CDC123: variants seen among roughly 807,000 people sequenced by gnomAD.
CDC123 encodes the protein cell division cycle 123.
A neutral mutation model predicts 54.4 loss-of-function variants in CDC123; 37 were observed. That is an observed-to-expected ratio of 0.68 (90% CI 0.52 to 0.89). The LOEUF (loss-of-function observed/expected upper bound fraction) is 0.89. Among genes scored for constraint, CDC123 ranks in the 40% least tolerant of loss-of-function variants. The probability of loss-of-function intolerance (pLI) is 0.00; values close to 1 mark genes in which losing one functional copy is unlikely to be tolerated. For missense variants in CDC123, 361 were observed against 412.1 expected, an observed-to-expected ratio of 0.88 and a Z score of 1.07; for synonymous variants, 144 against 136.8, an observed-to-expected ratio of 1.05 and a Z score of -0.37.
At chr10:12,212,604 C>T (rs979656606) in intron 4 of CDC123, among the ~76,000 whole-genome samples, 12 of 152,158 alleles carry the variant, frequency 7.9e-5, no homozygotes, top group African/African-American at 2.9e-4. Context: ...TCCTGAGTAG[C>T]AGGTACTGCA....
chr10:12,234,980 C>A, intron 7 of CDC123, 68 bp from the exon 8 acceptor site: 1 of 1,104,126 alleles, frequency 9.1e-7, no homozygotes, highest in Non-Finnish European at 1.4e-6. Context: ...ACAGTGTTGA[C>A]CTAAAATTGC....
intron 7 of CDC123, among the ~76,000 whole-genome samples, chr10:12,233,428 G>A (rs1483876749): frequency 6.6e-6 from 1 of 152,038 alleles, no homozygotes; most frequent in Non-Finnish European, 1.5e-5. Context: ...ACAGAGTTCG[G>A]GAGAGACACT....
chr10:12,218,598 T>C (rs898177359), intron 6 of CDC123, among the ~76,000 whole-genome samples: 8 of 152,172 alleles, frequency 5.3e-5, no homozygotes, highest in African/African-American at 1.7e-4. Context: ...TCATTGCGTG[T>C]CTAAATTCAT....
At chr10:12,239,852 C>CA (rs929883880) in intron 10 of CDC123, among the ~76,000 whole-genome samples, 3 of 151,572 alleles carry the variant, frequency 2.0e-5, no homozygotes, top group Non-Finnish European at 4.4e-5. Flanking sequence ...ACTAAAAATA[C>CA]AAAAAATTAG....
At position 12,227,245 on chromosome 10, in the gene CDC123, GGAGA is replaced by G. The variant is rs1189236298; in HGVS notation, c.441-3697_441-3694del. 5.3e-5 allele frequency among the ~76,000 whole-genome samples: 8 copies of G among 149,634 alleles called. No individual in the cohort carries two copies. In the East Asian group the frequency reaches 1.4e-3, roughly 26 times the overall value. On this transcript the variant is annotated intron_variant, in intron 6 of 12. Transcript: ENST00000281141. ...CTGCTCGGCATCAGAGGGAGACCGT[GGAGA>G]GAGAGGGAGAGGGAGAGATAGACCA... is the stretch of plus-strand genomic sequence containing the variant.
In CDC123 at chr10:12,246,132, C is replaced by T. The variant is rs1430933322; in HGVS notation, c.718-17C>T. On this transcript the variant is annotated splice_polypyrimidine_tract_variant and intron_variant, in intron 10 of 12. Coordinates refer to ENST00000281141, the MANE Select transcript of CDC123 (RefSeq NM_006023.3). ...CAGAAGATGTTTGTTTTTGTTTTTT[C>T]TCTCTCTGTGCTACAGGGGAAGGTG... 3.1e-6 allele frequency: 5 copies of T among 1,600,408 alleles called. No individual in the cohort carries two copies. The highest frequency in any genetic ancestry group is 3.6e-5 in the Admixed American group (2 of 56,290).
At chr10:12,200,010 A>G (rs1049365990) in intron 2 of CDC123, among the ~76,000 whole-genome samples, 2 of 148,118 alleles carry the variant, frequency 1.4e-5, no homozygotes, top group Non-Finnish European at 3.0e-5. Context: ...TTTAGTAGAG[A>G]TGGGGTTTTA....
chr10:12,231,029 T>C, intron 7 of CDC123, 33 bp downstream of exon 7: 1 of 1,547,396 alleles, frequency 6.5e-7, no homozygotes, highest in South Asian at 1.2e-5. Context: ...TAATTGTAGA[T>C]GAAGATGTGT....
At chr10:12,232,605 T>C (rs1835915707) in intron 7 of CDC123, among the ~76,000 whole-genome samples, 1 of 152,048 alleles carries the variant, frequency 6.6e-6, no homozygotes, top group South Asian at 2.1e-4. Flanking sequence ...TATATACAAC[T>C]TGTGAGATTT....
chr10:12,208,018 C>T (rs1835544191), intron 2 of CDC123, among the ~76,000 whole-genome samples: 1 of 152,140 alleles, frequency 6.6e-6, no homozygotes, highest in East Asian at 1.9e-4. Flanking sequence ...TTATTCCTCC[C>T]CTTGACTTTC....
chr10:12,232,937 T>A (rs549943012), intron 7 of CDC123, among the ~76,000 whole-genome samples: 1 of 152,030 alleles, frequency 6.6e-6, no homozygotes, highest in African/African-American at 2.4e-5. Context: ...TTTTTTGTAT[T>A]TTTAGTGGAG....
intron 2 of CDC123, among the ~76,000 whole-genome samples, chr10:12,208,739 G>C (rs541039750): frequency 6.6e-6 from 1 of 152,170 alleles, no homozygotes; most frequent in African/African-American, 2.4e-5. Context: ...GGACCATGAA[G>C]AAAGGCAGAC....
At chr10:12,244,093 C>T (rs1424664703) in intron 10 of CDC123, among the ~76,000 whole-genome samples, 1 of 152,188 alleles carries the variant, frequency 6.6e-6, no homozygotes, top group African/African-American at 2.4e-5. Flanking sequence ...CATCCTGCGA[C>T]AGGCCTGTGC....
intron 8 of CDC123, among the ~76,000 whole-genome samples, chr10:12,236,639 A>G (rs922475621): frequency 4.0e-5 from 6 of 151,026 alleles, no homozygotes; most frequent in African/African-American, 1.5e-4. Context: ...TTACACCTGT[A>G]ATCCCAGCAT....
intron 7 of CDC123, among the ~76,000 whole-genome samples, chr10:12,233,640 C>T (rs935804035): frequency 1.2e-4 from 18 of 151,958 alleles, no homozygotes; most frequent in African/African-American, 4.3e-4. Flanking sequence ...CCTGTATGGG[C>T]TTTTAATAGA....
intron 2 of CDC123, among the ~76,000 whole-genome samples, chr10:12,205,035 CT>C (rs200290256): frequency 1.1e-4 from 16 of 139,954 alleles, no homozygotes; most frequent in Non-Finnish European, 2.3e-4. Flanking sequence ...ATTCTTTCTA[CT>C]TTTTTTGGTA....
intron 9 of CDC123, among the ~76,000 whole-genome samples, chr10:12,237,727 C>T: frequency 6.6e-6 from 1 of 152,168 alleles, no homozygotes; most frequent in East Asian, 1.9e-4. Flanking sequence ...AGCCACCGCA[C>T]CAGCCATGTT....
intron 3 of CDC123, 63 bp downstream of exon 3, chr10:12,210,087 G>A: frequency 6.5e-7 from 1 of 1,548,834 alleles, no homozygotes; most frequent in East Asian, 2.2e-5. Context: ...CTCTGAGATG[G>A]TTCTGACTTG....
chr10:12,210,179 C>T (rs952833118), intron 3 of CDC123, 111 bp from the exon 4 acceptor site: 21 of 1,464,640 alleles, frequency 1.4e-5, no homozygotes, highest in East Asian at 4.9e-5. Context: ...TGCTGTATTC[C>T]GGAAAAGATG....
Sources: gnomAD v4.1 joint callset for allele counts (sites outside exome capture counted in the v4.1 genomes callset) on GRCh38, gnomAD v4.1.1 for gene constraint, MANE v1.5 for transcripts, NCBI Gene and HGNC (gene_info 2026-07-23, HGNC 2026-07-21) for gene names.